The following PCDHA7 variants were observed in gnomAD, a reference collection of about 807,000 sequenced individuals.
PCDHA7 encodes the protein protocadherin alpha 7, also known as protocadherin alpha-7.
PCDHA7 carries 37 observed loss-of-function variants against 57.2 expected under a neutral mutation model. The ratio of observed to expected loss-of-function variants is 0.65; its 90% CI spans 0.50 to 0.85. The LOEUF (loss-of-function observed/expected upper bound fraction) is 0.85, where lower values mean the gene tolerates loss of function less well. PCDHA7 is among the 40% of genes least tolerant of loss of function. The pLI, the probability that PCDHA7 is intolerant of heterozygous loss-of-function variation, is 0.00. For missense variants in PCDHA7, 1,188 were observed against 1,241.8 expected, an observed-to-expected ratio of 0.96 and a Z score of 0.65; for synonymous variants, 553 against 558.8, an observed-to-expected ratio of 0.99 and a Z score of 0.15.
chr5:140,928,084 C>T (rs782346696), intron 1 of PCDHA7: 2 of 1,614,232 alleles, frequency 1.2e-6, no homozygotes, highest in Non-Finnish European at 1.7e-6. Context: ...CTACAGCCTG[C>T]TGATTGATGG....
chr5:140,898,528 TG>T (rs2066807286), intron 1 of PCDHA7, among the ~76,000 whole-genome samples: 1 of 152,236 alleles, frequency 6.6e-6, no homozygotes, highest in African/African-American at 2.4e-5. Flanking sequence ...CTGAGGGCTC[TG>T]TTCTGTTCCA....
At chr5:140,949,234 A>C (rs2094354068) in intron 1 of PCDHA7, among the ~76,000 whole-genome samples, 1 of 151,820 alleles carries the variant, frequency 6.6e-6, no homozygotes, top group South Asian at 2.1e-4. Flanking sequence ...TCTGTGGCCC[A>C]GCAACAGTCT....
At position 140,976,656 on chromosome 5, in the gene PCDHA7, C is replaced by T. The variant is rs551402825; in HGVS notation, c.2356-2293C>T. ...AATCAGACAAGTAATTTAATCTCTC[C>T]AAAGTTCAGATGTCTCATTTTTGCA... is the stretch of plus-strand genomic sequence containing the variant. On this transcript the variant is annotated intron_variant, in intron 1 of 3. Transcript: ENST00000525929. Among the ~76,000 whole-genome samples the T allele has an allele frequency of 3.3e-5, 5 of 152,272 alleles. No homozygotes were observed. The South Asian group carries it at 1.0e-3, about 32-fold the overall frequency.
In PCDHA7 at chr5:140,857,765, G is replaced by A. The variant is rs374400381; in HGVS notation, c.2355+21027G>A. The stretch of plus-strand genomic sequence containing the variant: ...GCTGGCGTCTCCCGCTGGCAGCGCG[G>A]GCGGTGCAGTCAGTGAGCTGGTGCT... On this transcript the variant is annotated intron_variant, in intron 1 of 3. Coordinates refer to ENST00000525929, the MANE Select transcript of PCDHA7 (RefSeq NM_018910.3). The A allele has an allele frequency of 6.1e-5, 98 of 1,597,608 alleles. 8 individuals are homozygous for A. In the African/African-American group the frequency reaches 1.2e-3, roughly 19 times the overall value.
At chr5:140,927,882 G>A in intron 1 of PCDHA7, 2 of 1,614,224 alleles carry the variant, frequency 1.2e-6, no homozygotes, top group Non-Finnish European at 1.7e-6. Context: ...TGGTGGAGGT[G>A]ACTGACGTGA....
Position 140,835,268 on chromosome 5 carries a change from G to A in PCDHA7, c.885G>A (p.Met295Ile). 3.1e-6 allele frequency: 5 copies of A among 1,609,704 alleles called. No homozygotes were observed. Among genetic ancestry groups the A allele is most frequent in the Non-Finnish European group, 4.2e-6 (5 of 1,178,252 alleles). The change falls in exon 1 of 4, where the codon ATG (methionine) becomes ATA (isoleucine). Residue 295 changes from methionine to isoleucine, a missense_variant. Around this residue, in one of 3 missense-constraint regions of PCDHA7, gnomAD observed 102 missense variants for 267.4 expected, o/e 0.38. Coordinates refer to ENST00000525929, the MANE Select transcript of PCDHA7 (RefSeq NM_018910.3). ...VSPDIKSKFHMDPLSGAITVI... is the reference protein window; with the variant it reads ...VSPDIKSKFHIDPLSGAITVI... Reference sequence around the variant, plus strand: ...CAGATATAAAATCCAAGTTCCACATGGACCCCTTAAGTGGGGCAATCACAG... The same window carrying A: ...CAGATATAAAATCCAAGTTCCACATAGACCCCTTAAGTGGGGCAATCACAG...
intron 1 of PCDHA7, among the ~76,000 whole-genome samples, chr5:140,951,653 C>T (rs2094610729): frequency 6.6e-6 from 1 of 152,176 alleles, no homozygotes; most frequent in South Asian, 2.1e-4. Context: ...TCACCTCCCA[C>T]CAGGGCCTGC....
rs782328874 is a variant in PCDHA7, at chr5:141,009,755, C to G, written c.2632C>G (p.Pro878Ala). The G allele has an allele frequency of 6.2e-7, 1 of 1,614,002 alleles. No homozygotes were observed. Among genetic ancestry groups the G allele is most frequent in the African/African-American group, 1.3e-5 (1 of 74,894 alleles). ...TGAGTTGCCCGACAAATTCATTATC[C>G]CAGGATCTCCTGCAATCATCTCCAT... ...PGELPDKFII[P>A]GSPAIISIRQ... Residue 878 changes from proline (P) to alanine (A), a missense_variant, in exon 4 of 4, where the codon CCA becomes GCA. Physicochemically the swap from Pro to Ala is conservative, Grantham distance 27. Coordinates refer to ENST00000525929, the MANE Select transcript of PCDHA7 (RefSeq NM_018910.3).
chr5:140,872,829 G>T (rs187637058), intron 1 of PCDHA7, among the ~76,000 whole-genome samples: 6 of 152,156 alleles, frequency 3.9e-5, no homozygotes, highest in African/African-American at 1.4e-4. Flanking sequence ...ATCTAGCAGA[G>T]AAAAAATTAA....
chr5:140,851,363 A>C lies in PCDHA7; in HGVS notation c.2355+14625A>C. 5 of 979,054 alleles carry C rather than the reference A, an allele frequency of 5.1e-6. 1 individual carries two copies. Among genetic ancestry groups the C allele is most frequent in the Non-Finnish European group, 6.2e-6 (5 of 807,194 alleles). 60.6% of individuals were successfully genotyped at this position (979,054 alleles called of 1,614,324 possible). On this transcript the variant is annotated intron_variant, in intron 1 of 3. Coordinates refer to ENST00000525929, the MANE Select transcript of PCDHA7 (RefSeq NM_018910.3). ...ATTTCTCTGGATGGAGACTGTGAAC[A>C]TCTGATTGTTCAGCAACCTTCAGTA...
intron 1 of PCDHA7, chr5:140,876,955 G>T (rs782751017): frequency 1.3e-5 from 21 of 1,613,390 alleles, no homozygotes; most frequent in Non-Finnish European, 1.7e-5. Context: ...CTACTCGCTG[G>T]TGGAGCGGCG....
rs782564746 is a variant in PCDHA7 at position 140,871,379 on chromosome 5, C to T, written c.2355+34641C>T. 2.2e-5 allele frequency: 36 copies of T among 1,614,072 alleles called. No homozygotes were observed. Among genetic ancestry groups the T allele is most frequent in the Non-Finnish European group, 2.8e-5 (33 of 1,180,034 alleles). On this transcript the variant is annotated intron_variant, in intron 1 of 3. Transcript: ENST00000525929. ...CAGCAGAGGCGGCAGAGGGTGTGCT[C>T]TGAGGAGGGCCCACCTAAGACGGAC...
chr5:140,852,882 C>A (rs1562485802), intron 1 of PCDHA7: 2 of 936,178 alleles, frequency 2.1e-6, no homozygotes, highest in South Asian at 4.9e-5. Flanking sequence ...AATCATAAAA[C>A]GTATTTTTTT....
intron 1 of PCDHA7, among the ~76,000 whole-genome samples, chr5:140,889,588 GA>G (rs2062289236): frequency 6.6e-6 from 1 of 151,768 alleles, no homozygotes; most frequent in East Asian, 1.9e-4. Context: ...TTTTTGCTTT[GA>G]AATATTTTTA....
At chr5:140,883,126 G>T (rs781992873) in intron 1 of PCDHA7, 1 of 1,614,036 alleles carries the variant, frequency 6.2e-7, no homozygotes, top group Non-Finnish European at 8.5e-7. Context: ...GGCCTGTATG[G>T]CCTGCAGTGG....
At chr5:140,889,240 T>C (rs782266675) in intron 1 of PCDHA7, among the ~76,000 whole-genome samples, 4 of 151,692 alleles carry the variant, frequency 2.6e-5, no homozygotes, top group Non-Finnish European at 4.4e-5. Context: ...TTCCAGAAAA[T>C]TTTCTGTTTC....
chr5:140,841,857 T>C, intron 1 of PCDHA7: 3 of 1,613,860 alleles, frequency 1.9e-6, no homozygotes, highest in South Asian at 1.1e-5. Context: ...GATTACTTCA[T>C]GCTAGATGTG....
intron 1 of PCDHA7, among the ~76,000 whole-genome samples, chr5:140,951,286 T>G (rs537000082): frequency 7.9e-5 from 12 of 152,352 alleles, no homozygotes; most frequent in African/African-American, 2.6e-4. Context: ...TAATTTTGGA[T>G]TATATCTTGA....
chr5:140,843,196 G>A (rs2150355144), intron 1 of PCDHA7: 4 of 1,595,956 alleles, frequency 2.5e-6, no homozygotes, highest in Non-Finnish European at 3.4e-6. Flanking sequence ...TCCGCGTGGG[G>A]CTGTACACGG....
Sources: allele counts gnomAD v4.1 joint callset (sites outside exome capture counted in the v4.1 genomes callset), GRCh38; gene constraint gnomAD v4.1.1; regional missense constraint gnomAD v4.1.1; transcripts MANE v1.5; gene names NCBI Gene and HGNC (gene_info 2026-07-23, HGNC 2026-07-21).